The following PARN variants were observed in gnomAD, a reference collection of about 807,000 sequenced individuals.
PARN encodes the protein poly(A)-specific ribonuclease PARN.
Under a neutral mutation model 102.8 loss-of-function variants are expected in PARN, and 71 were observed. The ratio of observed to expected loss-of-function variants is 0.69; its 90% CI spans 0.57 to 0.84. The LOEUF (loss-of-function observed/expected upper bound fraction) is 0.84, where lower values mean the gene tolerates loss of function less well. Ranked by LOEUF, PARN falls within the 40% of genes least tolerant of loss-of-function variation. PARN has a pLI of 0.00. For synonymous variants in PARN, 261 were observed against 252.9 expected, an observed-to-expected ratio of 1.03 and a Z score of -0.30; for missense variants, 782 against 760.9, an observed-to-expected ratio of 1.03 and a Z score of -0.33.
intron 23 of PARN, among the ~76,000 whole-genome samples, chr16:14,444,125 C>A (rs1416242097): frequency 6.6e-6 from 1 of 152,156 alleles, no homozygotes; most frequent in African/African-American, 2.4e-5. Flanking sequence ...CACCTGATAT[C>A]CTGACCTATA....
intron 22 of PARN, among the ~76,000 whole-genome samples, chr16:14,477,655 T>C (rs762748174): frequency 2.0e-5 from 3 of 151,304 alleles, no homozygotes; most frequent in Non-Finnish European, 4.4e-5. Context: ...GGTGCATGCC[T>C]GTAATCCCAG....
chr16:14,503,956 C>T (rs1036556196), intron 21 of PARN, among the ~76,000 whole-genome samples: 1 of 152,158 alleles, frequency 6.6e-6, no homozygotes, highest in African/African-American at 2.4e-5. Context: ...GTAAATTGTT[C>T]TTAGAAGCAG....
intron 23 of PARN, among the ~76,000 whole-genome samples, chr16:14,441,365 G>A (rs1189697053): frequency 6.6e-6 from 1 of 152,204 alleles, no homozygotes; most frequent in Non-Finnish European, 1.5e-5. Flanking sequence ...TTACCTAACT[G>A]GAGTTGAAAT....
chr16:14,601,033 A>C (rs748591326), intron 11 of PARN, among the ~76,000 whole-genome samples: 4 of 152,186 alleles, frequency 2.6e-5, no homozygotes, highest in Middle Eastern at 3.2e-3. Flanking sequence ...TGAAAATGTT[A>C]AACAGTGCAG....
chr16:14,520,359 T>C (rs988702466), intron 21 of PARN, among the ~76,000 whole-genome samples: 9 of 152,152 alleles, frequency 5.9e-5, no homozygotes, highest in African/African-American at 2.4e-5. Context: ...TAACAGTCTA[T>C]CAATAGTTTA....
chr16:14,467,835 G>A (rs570694519), intron 22 of PARN, among the ~76,000 whole-genome samples: 3 of 152,312 alleles, frequency 2.0e-5, no homozygotes, highest in East Asian at 3.9e-4. Flanking sequence ...ACTTTATACT[G>A]TTAAAAGAAA....
intron 6 of PARN, among the ~76,000 whole-genome samples, chr16:14,612,035 C>G (rs1388566155): frequency 6.6e-6 from 1 of 152,128 alleles, no homozygotes; most frequent in East Asian, 1.9e-4. Context: ...TTGTTTGTAA[C>G]CCTGGTGTAG....
At chr16:14,611,425 C>T (rs1895556) in intron 6 of PARN, among the ~76,000 whole-genome samples, 151,443 of 152,346 alleles carry the variant, frequency 0.99, 75,283 homozygotes, top group Middle Eastern at 1. Flanking sequence ...AATTACCTTA[C>T]CTGCATAATG....
rs574038574 is a variant in PARN, at chr16:14,548,184, G to A, written c.1480+3837C>T. ...ACTCGCTTGAACCTGGGAGGTGGAGGTTGCAGTGAGCCGAGATCGCACCAC... is the reference window on the plus strand; with the variant it reads ...ACTCGCTTGAACCTGGGAGGTGGAGATTGCAGTGAGCCGAGATCGCACCAC... On this transcript the variant is annotated intron_variant, in intron 21 of 23. Coordinates refer to ENST00000437198, the MANE Select transcript of PARN (RefSeq NM_002582.4). Among the ~76,000 whole-genome samples the A allele has an allele frequency of 1.3e-3, 195 of 151,740 alleles. 2 individuals are homozygous for A. The highest frequency in any genetic ancestry group is 0.012 in the Admixed American group (179 of 15,244).
intron 21 of PARN, among the ~76,000 whole-genome samples, chr16:14,535,708 T>C (rs2151678690): frequency 6.6e-6 from 1 of 152,324 alleles, no homozygotes; most frequent in African/African-American, 2.4e-5. Context: ...CACATACACA[T>C]AGCTTTTATT....
At chr16:14,443,656 ATTTGT>A (rs1961056105) in intron 23 of PARN, among the ~76,000 whole-genome samples, 1 of 152,232 alleles carries the variant, frequency 6.6e-6, no homozygotes. Context: ...ATTTTAAAAA[ATTTGT>A]TTTGTGTGGT....
At chr16:14,490,832 C>A (rs1187085310) in intron 21 of PARN, among the ~76,000 whole-genome samples, 1 of 152,098 alleles carries the variant, frequency 6.6e-6, no homozygotes, top group African/African-American at 2.4e-5. Context: ...AAATTTACAA[C>A]AGATGGACAG....
At chr16:14,566,795 G>A (rs1043365154) in intron 18 of PARN, among the ~76,000 whole-genome samples, 1 of 152,210 alleles carries the variant, frequency 6.6e-6, no homozygotes, top group African/African-American at 2.4e-5. Context: ...AGCTCAGCAC[G>A]TGGACTGCCC....
intron 18 of PARN, among the ~76,000 whole-genome samples, chr16:14,573,289 A>G (rs1020975562): frequency 6.6e-6 from 1 of 152,224 alleles, no homozygotes; most frequent in Admixed American, 6.5e-5. Context: ...TAACATATCC[A>G]TTACCTAACA....
chr16:14,627,424 T>C, intron 3 of PARN, 88 bp from the exon 4 acceptor site: 1 of 853,396 alleles, frequency 1.2e-6, no homozygotes, highest in East Asian at 2.6e-5. Context: ...CTTTCTGAAT[T>C]ACTCAATGAG....
At position 14,614,846 on chromosome 16, in the gene PARN, CAAAAAAAAAAAAAAAAAA is replaced by C. The variant is rs57502376; in HGVS notation, c.388+2726_388+2743del. 6.6e-4 allele frequency among the ~76,000 whole-genome samples: 25 copies of C among 37,652 alleles called. No individual in the cohort carries two copies. In the East Asian group the frequency reaches 9.7e-3, roughly 15 times the overall value. The allele number at this position is 37,652 out of a possible 152,430, so 24.7% of individuals were successfully genotyped here. On this transcript the variant is annotated intron_variant, in intron 6 of 23. Coordinates refer to ENST00000437198, the MANE Select transcript of PARN (RefSeq NM_002582.4). ...ATGGGAAAGAAGAGCGAAACTGTCT[CAAAAAAAAAAAAAAAAAA>C]AAAAAAAAAAAAAAGAAAAGAAAAG...
At chr16:14,566,471 G>A (rs1968438253) in intron 18 of PARN, among the ~76,000 whole-genome samples, 1 of 152,200 alleles carries the variant, frequency 6.6e-6, no homozygotes, top group South Asian at 2.1e-4. Flanking sequence ...AGGGAGCTCA[G>A]CAATGCTGAT....
chr16:14,625,411 C>T (rs780165457), intron 5 of PARN, among the ~76,000 whole-genome samples: 15 of 152,052 alleles, frequency 9.9e-5, no homozygotes, highest in Non-Finnish European at 1.5e-4. Flanking sequence ...GCAGGAGAAT[C>T]GCTTCCACCC....
At chr16:14,550,531 T>G (rs577565868) in intron 21 of PARN, among the ~76,000 whole-genome samples, 1 of 152,302 alleles carries the variant, frequency 6.6e-6, no homozygotes, top group African/African-American at 2.4e-5. Flanking sequence ...CACACAACTG[T>G]TAAGTGATGC....
Sources: gnomAD v4.1 joint callset for allele counts (sites outside exome capture counted in the v4.1 genomes callset) on GRCh38, gnomAD v4.1.1 for gene constraint, MANE v1.5 for transcripts, NCBI Gene and HGNC (gene_info 2026-07-23, HGNC 2026-07-21) for gene names.